The following MCEMP1 variants were observed in gnomAD, a reference collection of about 807,000 sequenced individuals.
The protein encoded by MCEMP1 is mast cell expressed membrane protein 1.
A neutral mutation model predicts 27.9 loss-of-function variants in MCEMP1; 17 were observed. That is an observed-to-expected ratio of 0.61 (90% CI 0.42 to 0.91). The LOEUF (loss-of-function observed/expected upper bound fraction) is 0.91, where lower values mean the gene tolerates loss of function less well. Ranked by LOEUF, MCEMP1 falls within the 40% of genes least tolerant of loss-of-function variation. The pLI is 0.00. For missense variants in MCEMP1, 200 were observed against 204.8 expected (o/e 0.98, Z 0.14); for synonymous variants, 88 against 76.9 (o/e 1.14, Z -0.76).
In MCEMP1 at chr19:7,679,111, A is replaced by G; in HGVS notation, c.522A>G (p.Gln174=). 6.2e-7 allele frequency: 1 copy of G among 1,602,804 alleles called. No homozygotes were observed. Among genetic ancestry groups the G allele is most frequent in the South Asian group, 1.1e-5 (1 of 89,402 alleles). ...CCCCATCCCCAGAGTCCTCACCTCA[A>G]TAAATGAGAGGACATTGTGGCAGCC... ...VLQKMPQSSP[Q] is the part of the protein sequence containing the mutation. Residue 174 remains glutamine (Q), a synonymous_variant, in exon 7 of 7, where the codon CAA becomes CAG. Transcript: ENST00000333598. The surrounding 1 kb of genome is among the most constrained non-coding windows in gnomAD (Gnocchi z 4.9).
rs1370199971 is a variant in MCEMP1, at chr19:7,677,470, T to G, written c.56-167T>G. ...GTGGATGTGTGTGTGGTGTGATCAC[T>G]CAAACTCTCACACACCCGCTCCACT... On this transcript the variant is annotated intron_variant, in intron 1 of 6. Transcript: ENST00000333598. The surrounding 1 kb of genome is among the most constrained non-coding windows in gnomAD (Gnocchi z 4.6). Among the ~76,000 whole-genome samples, 2 of 151,996 alleles carry G rather than the reference T, an allele frequency of 1.3e-5. No individual in the cohort carries two copies. The highest frequency in any genetic ancestry group is 4.8e-5 in the African/African-American group (2 of 41,378).
chr19:7,678,074 C>G lies in MCEMP1; in HGVS notation c.146-30C>G. 6.4e-7 allele frequency: 1 copy of G among 1,564,428 alleles called. No homozygotes were observed. ...GGTTTGAGTGGTGGTGCTGGCCCCT[C>G]AAGGTCACTTTGCTGCCTCTTTGCT... On this transcript the variant is annotated intron_variant, in intron 2 of 6. Transcript: ENST00000333598. The surrounding 1 kb of genome is among the most constrained non-coding windows in gnomAD (Gnocchi z 4.8).
In MCEMP1 at chr19:7,678,469, C is replaced by A; in HGVS notation, c.335-22C>A. The A allele has an allele frequency of 6.2e-7, 1 of 1,613,614 alleles. No homozygotes were observed. Among genetic ancestry groups the A allele is most frequent in the Non-Finnish European group, 8.5e-7 (1 of 1,179,570 alleles). On this transcript the variant is annotated intron_variant, in intron 4 of 6. Transcript: ENST00000333598. The surrounding 1 kb of genome is among the most constrained non-coding windows in gnomAD (Gnocchi z 4.8). ...GTCTGGAGAGGGATGGATGCACAGA[C>A]ACCCCTGTTTCATGCCCTCAGTCTC...
chr19:7,679,279 C>A lies in MCEMP1; in HGVS notation c.*165C>A. The A allele has an allele frequency of 1.2e-6, 1 of 858,114 alleles. No homozygotes were observed. The highest frequency in any genetic ancestry group is 1.8e-6 in the Non-Finnish European group (1 of 561,294). The allele number at this position is 858,114 out of a possible 1,614,324, so 53.2% of individuals were successfully genotyped here. A position where few individuals can be genotyped will look rare whatever the true frequency, so the allele number is the denominator to read the frequency against. On this transcript the variant is annotated 3_prime_UTR_variant, in exon 7 of 7. Coordinates refer to ENST00000333598, the MANE Select transcript of MCEMP1 (RefSeq NM_174918.3). This position sits in a 1 kb window ranked among gnomAD's most constrained non-coding sequence, Gnocchi z 4.9. ...GGTGAATGAGTGTCTCGGAGTTGCT[C>A]GTGTGTGTGTACACCTGCGTGCGTG... is the stretch of plus-strand genomic sequence containing the variant.
Position 7,677,980 on chromosome 19 carries a change from CT to C in MCEMP1, c.146-123del. ...CAGTGTTGTTGACGATGATGACAAGCTGCATGACCACAGCTGCTGATGGTTT... is the reference window on the plus strand; with the variant it reads ...CAGTGTTGTTGACGATGATGACAAGCGCATGACCACAGCTGCTGATGGTTT... On this transcript the variant is annotated intron_variant, in intron 2 of 6. Transcript: ENST00000333598. This position sits in a 1 kb window ranked among gnomAD's most constrained non-coding sequence, Gnocchi z 4.6. 3.6e-6 allele frequency: 5 copies of C among 1,408,396 alleles called. No individual in the cohort carries two copies. Among genetic ancestry groups the C allele is most frequent in the Non-Finnish European group, 4.8e-6 (5 of 1,043,938 alleles). 87.2% of individuals were successfully genotyped at this position (1,408,396 alleles called of 1,614,324 possible).
In MCEMP1 at chr19:7,678,641, G is replaced by A; in HGVS notation, c.448+37G>A. The A allele has an allele frequency of 1.9e-6, 3 of 1,563,288 alleles. No individual in the cohort carries two copies. Among genetic ancestry groups the A allele is most frequent in the South Asian group, 2.2e-5 (2 of 89,374 alleles). On this transcript the variant is annotated intron_variant, in intron 5 of 6. Coordinates refer to ENST00000333598, the MANE Select transcript of MCEMP1 (RefSeq NM_174918.3). This position sits in a 1 kb window ranked among gnomAD's most constrained non-coding sequence, Gnocchi z 4.8. ...GTCTCGCCTTCTATGGGGGTTATTT[G>A]TCACCAATGCCCGGAGCTGAGCTGG... is the stretch of plus-strand genomic sequence containing the variant.
At position 7,679,827 on chromosome 19, in the gene MCEMP1, C is replaced by G. The variant is rs1354381073; in HGVS notation, c.*713C>G. On this transcript the variant is annotated 3_prime_UTR_variant, in exon 7 of 7. Coordinates refer to ENST00000333598, the MANE Select transcript of MCEMP1 (RefSeq NM_174918.3). The surrounding 1 kb of genome is among the most constrained non-coding windows in gnomAD (Gnocchi z 4.9). Reference sequence around the variant, plus strand: ...GAAGATAAATAAAGTCAAGGGAAAACAGCGTCGCTATGGGACCTGTTACTG... The same window carrying G: ...GAAGATAAATAAAGTCAAGGGAAAAGAGCGTCGCTATGGGACCTGTTACTG... The G allele has an allele frequency of 6.6e-6, 1 of 152,120 alleles. No individual in the cohort carries two copies. The highest frequency in any genetic ancestry group is 1.5e-5 in the Non-Finnish European group (1 of 68,042). The allele number at this position is 152,120 out of a possible 1,614,324, so 9.4% of individuals were successfully genotyped here.
At position 7,678,655 on chromosome 19, in the gene MCEMP1, G is replaced by C; in HGVS notation, c.448+51G>C. ...GGGGGTTATTTGTCACCAATGCCCGGAGCTGAGCTGGGGGCAGGGGATTCA... is the reference window on the plus strand; with the variant it reads ...GGGGGTTATTTGTCACCAATGCCCGCAGCTGAGCTGGGGGCAGGGGATTCA... On this transcript the variant is annotated intron_variant, in intron 5 of 6. Coordinates refer to ENST00000333598, the MANE Select transcript of MCEMP1 (RefSeq NM_174918.3). The surrounding 1 kb of genome is among the most constrained non-coding windows in gnomAD (Gnocchi z 4.8). 2.0e-6 allele frequency: 3 copies of C among 1,525,134 alleles called. No homozygotes were observed. The highest frequency in any genetic ancestry group is 2.7e-6 in the Non-Finnish European group (3 of 1,103,764). The allele number at this position is 1,525,134 out of a possible 1,614,324, so 94.5% of individuals were successfully genotyped here.
chr19:7,677,785 C>A lies in MCEMP1; in HGVS notation c.145+59C>A. 1.4e-6 allele frequency: 2 copies of A among 1,460,248 alleles called. No individual in the cohort carries two copies. The highest frequency in any genetic ancestry group is 1.9e-6 in the Non-Finnish European group (2 of 1,078,848). The allele number at this position is 1,460,248 out of a possible 1,614,324, so 90.5% of individuals were successfully genotyped here. A position where few individuals can be genotyped will look rare whatever the true frequency, so the allele number is the denominator to read the frequency against. On this transcript the variant is annotated intron_variant, in intron 2 of 6. Transcript: ENST00000333598. The surrounding 1 kb of genome is among the most constrained non-coding windows in gnomAD (Gnocchi z 4.6). ...CCTTGGGAAGGGGCAGGTGGGCGGG[C>A]AACTGCAGGGCCCCCGGGGCTGCGT...
rs1370646296 is a variant in MCEMP1 at position 7,677,628 on chromosome 19, C to T, written c.56-9C>T. 2 of 1,610,664 alleles carry T rather than the reference C, an allele frequency of 1.2e-6. No individual in the cohort carries two copies. The highest frequency in any genetic ancestry group is 2.2e-5 in the East Asian group (1 of 44,874). ...ACAGAGCTCTGAGCAGATCTCCAAC[C>T]CCTCCCAGGTGCCCATGACCCAGAC... On this transcript the variant is annotated splice_polypyrimidine_tract_variant and intron_variant, in intron 1 of 6. Coordinates refer to ENST00000333598, the MANE Select transcript of MCEMP1 (RefSeq NM_174918.3). The surrounding 1 kb of genome is among the most constrained non-coding windows in gnomAD (Gnocchi z 4.6).
rs889733314 is a variant in MCEMP1, at chr19:7,679,629, C to T, written c.*515C>T. 6.5e-6 allele frequency: 1 copy of T among 154,320 alleles called. No individual in the cohort carries two copies. Among genetic ancestry groups the T allele is most frequent in the African/African-American group, 2.4e-5 (1 of 41,476 alleles). 9.6% of individuals were successfully genotyped at this position (154,320 alleles called of 1,614,324 possible). ...CGGCGTGTTTTCTGTCTACCCATGT[C>T]ATGGTGGGGGAGATTTATCTCCGTA... On this transcript the variant is annotated 3_prime_UTR_variant, in exon 7 of 7. Transcript: ENST00000333598. The surrounding 1 kb of genome is among the most constrained non-coding windows in gnomAD (Gnocchi z 4.9).
rs535473501 is a variant in MCEMP1, at chr19:7,679,364, A to C, written c.*250A>C. The C allele has an allele frequency of 3.9e-6, 2 of 512,094 alleles. No homozygotes were observed. Among genetic ancestry groups the C allele is most frequent in the African/African-American group, 3.9e-5 (2 of 50,900 alleles). The allele number at this position is 512,094 out of a possible 1,614,324, so 31.7% of individuals were successfully genotyped here. On this transcript the variant is annotated 3_prime_UTR_variant, in exon 7 of 7. Coordinates refer to ENST00000333598, the MANE Select transcript of MCEMP1 (RefSeq NM_174918.3). The surrounding 1 kb of genome is among the most constrained non-coding windows in gnomAD (Gnocchi z 4.9). ...CGTGTGTGCGTGCGCGTGTGTGTGC[A>C]TTTTGCAAAGGGTGGACATTTCAGT... is the stretch of plus-strand genomic sequence containing the variant.
At position 7,679,242 on chromosome 19, in the gene MCEMP1, A is replaced by C; in HGVS notation, c.*128A>C. 6.2e-6 allele frequency: 7 copies of C among 1,135,184 alleles called. No homozygotes were observed. In the South Asian group the frequency reaches 7.2e-5, roughly 12 times the overall value. 70.3% of individuals were successfully genotyped at this position (1,135,184 alleles called of 1,614,324 possible). ...TGCCCCTCGTCCCACGTATAGAAAAACCTCGAGTCATGGTGAATGAGTGTC... is the reference window on the plus strand; with the variant it reads ...TGCCCCTCGTCCCACGTATAGAAAACCCTCGAGTCATGGTGAATGAGTGTC... On this transcript the variant is annotated 3_prime_UTR_variant, in exon 7 of 7. Coordinates refer to ENST00000333598, the MANE Select transcript of MCEMP1 (RefSeq NM_174918.3). This position sits in a 1 kb window ranked among gnomAD's most constrained non-coding sequence, Gnocchi z 4.9.
rs2032563232 is a variant in MCEMP1, at chr19:7,677,233, G to C, written c.55+58G>C. On this transcript the variant is annotated intron_variant, in intron 1 of 6. Transcript: ENST00000333598. This position sits in a 1 kb window ranked among gnomAD's most constrained non-coding sequence, Gnocchi z 4.6. ...AGAAGGAGAGATTGGGGGGCCGGGGGCTTTTGCTCATGTCTGTAATCCTAG... is the reference window on the plus strand; with the variant it reads ...AGAAGGAGAGATTGGGGGGCCGGGGCCTTTTGCTCATGTCTGTAATCCTAG... The C allele has an allele frequency of 6.8e-7, 1 of 1,464,460 alleles. No individual in the cohort carries two copies. The highest frequency in any genetic ancestry group is 9.4e-7 in the Non-Finnish European group (1 of 1,068,800). 90.7% of individuals were successfully genotyped at this position (1,464,460 alleles called of 1,614,324 possible). A position where few individuals can be genotyped will look rare whatever the true frequency, so the allele number is the denominator to read the frequency against.
chr19:7,677,554 G>A lies in MCEMP1; in HGVS notation c.56-83G>A. 7.7e-7 allele frequency: 1 copy of A among 1,304,126 alleles called. No individual in the cohort carries two copies. The highest frequency in any genetic ancestry group is 1.2e-5 in the South Asian group (1 of 83,554). The allele number at this position is 1,304,126 out of a possible 1,614,324, so 80.8% of individuals were successfully genotyped here. A position where few individuals can be genotyped will look rare whatever the true frequency, so the allele number is the denominator to read the frequency against. On this transcript the variant is annotated intron_variant, in intron 1 of 6. Transcript: ENST00000333598. The surrounding 1 kb of genome is among the most constrained non-coding windows in gnomAD (Gnocchi z 4.6). ...TATCTTTCACCCCCTACAATTTATT[G>A]AGTGCAAAGGGTTGGGTAAAACAAG...
Position 7,678,695 on chromosome 19 carries a change from C to CG in MCEMP1, c.448+95dup. On this transcript the variant is annotated intron_variant, in intron 5 of 6. Transcript: ENST00000333598. This position sits in a 1 kb window ranked among gnomAD's most constrained non-coding sequence, Gnocchi z 4.8. Reference sequence around the variant, plus strand: ...CAGGGGATTCAGGGGAGGAGAAAGCCGGGGTCCTACCCTCCCAAAGCTCAA... The same window carrying CG: ...CAGGGGATTCAGGGGAGGAGAAAGCCGGGGGTCCTACCCTCCCAAAGCTCAA... 6.1e-6 allele frequency: 8 copies of CG among 1,320,430 alleles called. 1 individual carries two copies. In the South Asian group the frequency reaches 1.0e-4, roughly 17 times the overall value. The allele number at this position is 1,320,430 out of a possible 1,614,324, so 81.8% of individuals were successfully genotyped here.
rs533093744 is a variant in MCEMP1 at position 7,678,884 on chromosome 19, T to C, written c.449-40T>C. The stretch of plus-strand genomic sequence containing the variant: ...GCTTTGTTTGAGGCTCCACCGCAGC[T>C]TGACTTATCTGTTCCCACCCAACCC... On this transcript the variant is annotated intron_variant, in intron 5 of 6. Transcript: ENST00000333598. The surrounding 1 kb of genome is among the most constrained non-coding windows in gnomAD (Gnocchi z 4.8). The C allele has an allele frequency of 1.3e-4, 198 of 1,514,932 alleles. 1 individual carries two copies. In the South Asian group the frequency reaches 2.3e-3, roughly 18 times the overall value. 93.8% of individuals were successfully genotyped at this position (1,514,932 alleles called of 1,614,324 possible).
In MCEMP1 at chr19:7,679,296, G is replaced by C; in HGVS notation, c.*182G>C. The C allele has an allele frequency of 1.4e-6, 1 of 731,252 alleles. No individual in the cohort carries two copies. The highest frequency in any genetic ancestry group is 2.2e-6 in the Non-Finnish European group (1 of 448,320). 45.3% of individuals were successfully genotyped at this position (731,252 alleles called of 1,614,324 possible). ...GAGTTGCTCGTGTGTGTGTACACCT[G>C]CGTGCGTGTGTGTGCGTGTGTGCGC... On this transcript the variant is annotated 3_prime_UTR_variant, in exon 7 of 7. Coordinates refer to ENST00000333598, the MANE Select transcript of MCEMP1 (RefSeq NM_174918.3). The surrounding 1 kb of genome is among the most constrained non-coding windows in gnomAD (Gnocchi z 4.9).
At position 7,678,652 on chromosome 19, in the gene MCEMP1, C is replaced by T. The variant is rs1317927620; in HGVS notation, c.448+48C>T. 5.8e-6 allele frequency: 9 copies of T among 1,544,950 alleles called. No homozygotes were observed. Among genetic ancestry groups the T allele is most frequent in the African/African-American group, 1.4e-5 (1 of 73,426 alleles). ...TATGGGGGTTATTTGTCACCAATGCCCGGAGCTGAGCTGGGGGCAGGGGAT... is the reference window on the plus strand; with the variant it reads ...TATGGGGGTTATTTGTCACCAATGCTCGGAGCTGAGCTGGGGGCAGGGGAT... On this transcript the variant is annotated intron_variant, in intron 5 of 6. Transcript: ENST00000333598. This position sits in a 1 kb window ranked among gnomAD's most constrained non-coding sequence, Gnocchi z 4.8.
Sources: allele counts gnomAD v4.1 joint callset (sites outside exome capture counted in the v4.1 genomes callset), GRCh38; gene constraint gnomAD v4.1.1; non-coding constraint Gnocchi (gnomAD v3.1); transcripts MANE v1.5; gene names NCBI Gene and HGNC (gene_info 2026-07-23, HGNC 2026-07-21).